Variants in UGT2A1 observed in about 807,000 individuals in gnomAD.
UGT2A1 encodes UDP glucuronosyltransferase family 2 member A1 complex locus.
UGT2A1 carries 61 observed loss-of-function variants against 45.4 expected under a neutral mutation model. The ratio of observed to expected loss-of-function variants is 1.34; its 90% CI spans 1.09 to 1.66. UGT2A1 has a LOEUF of 1.66. Among genes scored for constraint, UGT2A1 ranks in the 40% most tolerant of loss-of-function variants. The probability of loss-of-function intolerance (pLI) is 0.00; values close to 1 mark genes in which losing one functional copy is unlikely to be tolerated. For missense variants in UGT2A1, 649 were observed against 574.3 expected, an observed-to-expected ratio of 1.13 and a Z score of -1.33; for synonymous variants, 229 against 196.2, an observed-to-expected ratio of 1.17 and a Z score of -1.40.
At chr4:69,610,877 C>T (rs1432336) in intron 3 of UGT2A1, among the ~76,000 whole-genome samples, 21,833 of 152,168 alleles carry the variant, frequency 0.14, 1,756 homozygotes, top group Non-Finnish European at 0.18. Flanking sequence ...ACTGCTACAG[C>T]TACACACCAC....
At chr4:69,629,523 G>T (rs1462818994) in intron 3 of UGT2A1, among the ~76,000 whole-genome samples, 1 of 152,020 alleles carries the variant, frequency 6.6e-6, no homozygotes, top group East Asian at 1.9e-4. Flanking sequence ...TTTGCTCTGA[G>T]GGTCTGGAGT....
chr4:69,649,122 C>A (rs1484860360), intron 1 of UGT2A1, among the ~76,000 whole-genome samples: 1 of 152,044 alleles, frequency 6.6e-6, no homozygotes, highest in African/African-American at 2.4e-5. Context: ...GTTAATAAAT[C>A]TTCTGAAATT....
Position 69,647,683 on chromosome 4 carries a change from CA to C in UGT2A1, c.-40del, listed in dbSNP as rs1444639413. ...GCAGAAGATTTGATGAGATGTGAAGCAAATGTTTTTCTCTGCTTTTAAAGAA... is the reference window on the plus strand; with the variant it reads ...GCAGAAGATTTGATGAGATGTGAAGCAATGTTTTTCTCTGCTTTTAAAGAA... On this transcript the variant is annotated 5_prime_UTR_variant, in exon 2 of 7. Coordinates refer to ENST00000286604, the MANE Select transcript of UGT2A1 (RefSeq NM_001252275.3). 7.4e-7 allele frequency: 1 copy of C among 1,358,840 alleles called. No homozygotes were observed. Among genetic ancestry groups the C allele is most frequent in the African/African-American group, 1.5e-5 (1 of 67,358 alleles). The allele number at this position is 1,358,840 out of a possible 1,614,324, so 84.2% of individuals were successfully genotyped here. A position where few individuals can be genotyped will look rare whatever the true frequency, so the allele number is the denominator to read the frequency against.
intron 4 of UGT2A1, chr4:69,596,213 T>G: frequency 3.4e-6 from 5 of 1,459,470 alleles, no homozygotes; most frequent in Non-Finnish European, 4.5e-6. Context: ...CTCCCATTAG[T>G]AAAAAGCTGT....
At position 69,620,784 on chromosome 4, in the gene UGT2A1, A is replaced by G. The variant is rs527266907; in HGVS notation, c.847+14907T>C. ...AACCAAAACAGTATGGCACTGGTACAAAAACAGAAACATAGACAAAGGAAA... is the reference window on the plus strand; with the variant it reads ...AACCAAAACAGTATGGCACTGGTACGAAAACAGAAACATAGACAAAGGAAA... On this transcript the variant is annotated intron_variant, in intron 3 of 6. Coordinates refer to ENST00000286604, the MANE Select transcript of UGT2A1 (RefSeq NM_001252275.3). Among the ~76,000 whole-genome samples, 6 of 151,982 alleles carry G rather than the reference A, an allele frequency of 3.9e-5. No homozygotes were observed. The South Asian group carries it at 1.2e-3, about 32-fold the overall frequency.
At chr4:69,647,908 CCTT>C (rs1476030275) in intron 1 of UGT2A1, 2 of 284,984 alleles carry the variant, frequency 7.0e-6, no homozygotes, top group African/African-American at 4.4e-5. Flanking sequence ...GTCTAATCCT[CCTT>C]TTGAACTTGA....
chr4:69,617,799 T>C (rs1018281794), intron 3 of UGT2A1, among the ~76,000 whole-genome samples: 5 of 151,826 alleles, frequency 3.3e-5, no homozygotes, highest in Non-Finnish European at 5.9e-5. Flanking sequence ...ATTTTCAAGA[T>C]AGTTGAAATA....
At chr4:69,638,716 T>C (rs1490107192) in intron 2 of UGT2A1, among the ~76,000 whole-genome samples, 2 of 152,142 alleles carry the variant, frequency 1.3e-5, no homozygotes, top group Non-Finnish European at 2.9e-5. Flanking sequence ...TACATATTAA[T>C]ACCACCATTT....
At chr4:69,603,800 T>C (rs1719441604) in intron 3 of UGT2A1, among the ~76,000 whole-genome samples, 1 of 136,242 alleles carries the variant, frequency 7.3e-6, no homozygotes, top group Admixed American at 7.3e-5. Flanking sequence ...TTCAATCAAC[T>C]GGAAGAAAGG....
chr4:69,593,444 T>C (rs891484566), intron 6 of UGT2A1, among the ~76,000 whole-genome samples: 5 of 151,650 alleles, frequency 3.3e-5, no homozygotes, highest in African/African-American at 1.2e-4. Flanking sequence ...TCATCAAAAA[T>C]AAAGACTCAA....
At chr4:69,591,736 T>G (rs1380848073) in intron 6 of UGT2A1, among the ~76,000 whole-genome samples, 1 of 152,098 alleles carries the variant, frequency 6.6e-6, no homozygotes, top group Non-Finnish European at 1.5e-5. Flanking sequence ...AGTTTTCAAG[T>G]CAATAATAAA....
chr4:69,612,309 T>A (rs1310246963), intron 3 of UGT2A1, among the ~76,000 whole-genome samples: 1 of 152,090 alleles, frequency 6.6e-6, no homozygotes, highest in Non-Finnish European at 1.5e-5. Flanking sequence ...ATCAGTATCG[T>A]TAAAATGGCC....
intron 3 of UGT2A1, among the ~76,000 whole-genome samples, chr4:69,612,907 G>GAAAAAA (rs34670944): frequency 7.1e-6 from 1 of 140,022 alleles, no homozygotes. Flanking sequence ...AACCTCTGCA[G>GAAAAAA]AAAAAAAAAA....
In UGT2A1 at chr4:69,604,042, G is replaced by A. The variant is rs1423012632; in HGVS notation, c.848-4648C>T. Among the ~76,000 whole-genome samples the A allele has an allele frequency of 2.9e-5, 4 of 136,152 alleles. 2 individuals are homozygous for A. The highest frequency in any genetic ancestry group is 6.2e-5 in the Non-Finnish European group (4 of 64,168). 89.3% of individuals were successfully genotyped at this position (136,152 alleles called of 152,430 possible). A position where few individuals can be genotyped will look rare whatever the true frequency, so the allele number is the denominator to read the frequency against. On this transcript the variant is annotated intron_variant, in intron 3 of 6. Transcript: ENST00000286604. ...CCCCAGTCTAGCAAGGAAGGCCAAC[G>A]TTCAAACTCAGGAAATACAGAGAAC...
chr4:69,650,199 G>C (rs924476054), intron 1 of UGT2A1, among the ~76,000 whole-genome samples: 2 of 152,064 alleles, frequency 1.3e-5, no homozygotes, highest in African/African-American at 4.8e-5. Flanking sequence ...TAATACCTCA[G>C]ATAGGGAGAC....
At chr4:69,627,451 G>GGCAGACAGGCAA (rs1157668027) in intron 3 of UGT2A1, among the ~76,000 whole-genome samples, 2 of 128,172 alleles carry the variant, frequency 1.6e-5, no homozygotes, top group African/African-American at 6.3e-5. Flanking sequence ...TTGTTCCATA[G>GGCAGACAGGCAA]GCAGACAGGC....
chr4:69,620,286 T>G (rs540552219), intron 3 of UGT2A1, among the ~76,000 whole-genome samples: 2 of 126,566 alleles, frequency 1.6e-5, no homozygotes, highest in African/African-American at 6.4e-5. Context: ...ACAGTAAAGT[T>G]TCAGGAAAAA....
intron 3 of UGT2A1, among the ~76,000 whole-genome samples, chr4:69,608,662 A>G (rs973184603): frequency 6.6e-6 from 1 of 152,068 alleles, no homozygotes; most frequent in African/African-American, 2.4e-5. Flanking sequence ...AATGGACTCA[A>G]CTCTGCAAAA....
chr4:69,603,854 A>G (rs905516937), intron 3 of UGT2A1, among the ~76,000 whole-genome samples: 2 of 136,464 alleles, frequency 1.5e-5, no homozygotes, highest in Non-Finnish European at 3.1e-5. Flanking sequence ...AAGCGAGAAG[A>G]GAAGTTTAGA....
Sources: allele counts gnomAD v4.1 joint callset (sites outside exome capture counted in the v4.1 genomes callset), GRCh38; gene constraint gnomAD v4.1.1; transcripts MANE v1.5; gene names NCBI Gene and HGNC (gene_info 2026-07-23, HGNC 2026-07-21).